FAAP100: variants seen among roughly 807,000 people sequenced by gnomAD.
FAAP100 encodes Fanconi anemia core complex-associated protein 100.
In FAAP100, 46 loss-of-function variants were observed where a neutral mutation model predicts 65.8. The ratio of observed to expected loss-of-function variants is 0.70; its 90% CI spans 0.55 to 0.89. FAAP100 has a LOEUF of 0.89. FAAP100 is among the 40% of genes least tolerant of loss of function. The probability of loss-of-function intolerance (pLI) is 0.00; values close to 1 mark genes in which losing one functional copy is unlikely to be tolerated. For missense variants in FAAP100, 1,165 were observed against 1,196.7 expected, an observed-to-expected ratio of 0.97 and a Z score of 0.39; for synonymous variants, 663 against 555.1, an observed-to-expected ratio of 1.19 and a Z score of -2.73.
chr17:81,547,065 G>C lies in FAAP100; in HGVS notation c.2017C>G (p.Arg673Gly), dbSNP rs753237609. Residue 673 changes from arginine (R) to glycine (G), a missense_variant, in exon 5 of 9, where the codon CGA (arginine) becomes GGA (glycine). Physicochemically the swap from Arg to Gly is moderately radical, Grantham distance 125. Coordinates refer to ENST00000327787, the MANE Select transcript of FAAP100 (RefSeq NM_025161.6). ...TCCAGAAAAGTGGCCACAGGGTCTCGGGTGGGGCCGAGTGGGGAGGGGGCC... is the reference window on the plus strand; with the variant it reads ...TCCAGAAAAGTGGCCACAGGGTCTCCGGTGGGGCCGAGTGGGGAGGGGGCC... ...TRAPSPLGPT[R>G]DPVATFLETC... 8 of 1,550,250 alleles carry C rather than the reference G, an allele frequency of 5.2e-6. No homozygotes were observed. The Admixed American group carries it at 1.0e-4, about 20-fold the overall frequency.
chr17:81,542,380 A>G (rs960100197), intron 7 of FAAP100, among the ~76,000 whole-genome samples: 5 of 151,042 alleles, frequency 3.3e-5, no homozygotes, highest in African/African-American at 1.2e-4. Context: ...CCAGAGCTCT[A>G]TCTCAAACAA....
chr17:81,544,088 G>C lies in FAAP100; in HGVS notation c.2343C>G (p.Pro781=), dbSNP rs1192162495. The change falls in exon 7 of 9, where the codon CCC becomes CCG. Residue 781 remains proline (P), a synonymous_variant. Coordinates refer to ENST00000327787, the MANE Select transcript of FAAP100 (RefSeq NM_025161.6). ...VAMTDLCPAG[P]IQAVEIQVES... is the part of the protein sequence containing the mutation. ...CCACTTGAATCTCCACGGCCTGGAT[G>C]GGCCCTGCTGGGCACAGGTCAGTCA... is the stretch of plus-strand genomic sequence containing the variant. 6.2e-7 allele frequency: 1 copy of C among 1,612,458 alleles called. No individual in the cohort carries two copies. Among genetic ancestry groups the C allele is most frequent in the African/African-American group, 1.3e-5 (1 of 74,926 alleles).
chr17:81,552,196 G>A lies in FAAP100; in HGVS notation c.135C>T (p.Tyr45=). Residue 45 remains tyrosine (Y), a synonymous_variant, in exon 1 of 9, where the codon TAC becomes TAT. Coordinates refer to ENST00000327787, the MANE Select transcript of FAAP100 (RefSeq NM_025161.6). ...GCAGCCCGCCCTCCTGGTCGTACAC[G>A]TAGACGAGCTCGCTCCCGGTGGACA... The part of the protein sequence containing the change: ...VFLSTGSELV[Y]VYDQEGGLLT... The A allele has an allele frequency of 6.7e-7, 1 of 1,499,872 alleles. No individual in the cohort carries two copies. Among genetic ancestry groups the A allele is most frequent in the Admixed American group, 2.2e-5 (1 of 46,268 alleles). 92.9% of individuals were successfully genotyped at this position (1,499,872 alleles called of 1,614,324 possible).
chr17:81,540,760 T>TA lies in FAAP100; in HGVS notation c.*58_*59insT, dbSNP rs1555673059. 4 of 1,453,092 alleles carry TA rather than the reference T, an allele frequency of 2.8e-6. No homozygotes were observed. The African/African-American group carries it at 5.6e-5, about 21-fold the overall frequency. 90.0% of individuals were successfully genotyped at this position (1,453,092 alleles called of 1,614,324 possible). On this transcript the variant is annotated 3_prime_UTR_variant, in exon 9 of 9. Coordinates refer to ENST00000327787, the MANE Select transcript of FAAP100 (RefSeq NM_025161.6). The stretch of plus-strand genomic sequence containing the variant: ...CGGTTTCCCTCTAACCCATGAGGCC[T>TA]GGGGGGGCTGTGACAGAGGCTGGAA...
intron 5 of FAAP100, 72 bp from the exon 6 acceptor site, chr17:81,545,954 G>T (rs2033284311): frequency 2.0e-5 from 31 of 1,524,682 alleles, no homozygotes; most frequent in Admixed American, 5.8e-5. Context: ...TACCAGGTGG[G>T]CATCTGCATA....
At chr17:81,550,210 C>A (rs776546152) in intron 3 of FAAP100, 38 bp downstream of exon 3, 1 of 1,536,280 alleles carries the variant, frequency 6.5e-7, no homozygotes, top group Non-Finnish European at 8.8e-7. Flanking sequence ...GTGCTCCACC[C>A]TGGGCTCCCA....
rs541863666 is a variant in FAAP100 at position 81,546,218 on chromosome 17, C to G, written c.2174-336G>C. Among the ~76,000 whole-genome samples the G allele has an allele frequency of 4.4e-4, 67 of 152,360 alleles. No individual in the cohort carries two copies. The South Asian group carries it at 6.4e-3, about 15-fold the overall frequency. On this transcript the variant is annotated intron_variant, in intron 5 of 8. Transcript: ENST00000327787. ...TCCGCCCGGCACTGGGCAGAAACAC[C>G]CCAGGGGATGGCTGCGGCTGCCCTC...
At chr17:81,551,225 G>A (rs1363269033) in intron 2 of FAAP100, 22 bp from the exon 3 acceptor site, 10 of 1,492,076 alleles carry the variant, frequency 6.7e-6, no homozygotes, top group Non-Finnish European at 9.0e-6. Flanking sequence ...GGGACGCACT[G>A]GTCAGGCCTG....
At chr17:81,549,180 T>C (rs374900879) in intron 4 of FAAP100, 26 bp downstream of exon 4, 15 of 1,583,464 alleles carry the variant, frequency 9.5e-6, no homozygotes, top group Admixed American at 5.2e-5. Flanking sequence ...CGCCAGCCTC[T>C]ACCCGGTCCG....
In FAAP100 at chr17:81,551,940, G is replaced by A; in HGVS notation, c.278C>T (p.Pro93Leu). 1.3e-6 allele frequency: 2 copies of A among 1,558,656 alleles called. No homozygotes were observed. The highest frequency in any genetic ancestry group is 2.4e-5 in the East Asian group (1 of 40,902). ...RGLYCLSLDH[P>L]GRSRSTSQDD... Reference sequence around the variant, plus strand: ...GGCCCGCCCTCACCTGCTCCTGCCCGGGTGGTCCAGCGACAGGCAGTAGAG... The same window carrying A: ...GGCCCGCCCTCACCTGCTCCTGCCCAGGTGGTCCAGCGACAGGCAGTAGAG... The change falls in exon 2 of 9, where the codon CCG becomes CTG. Residue 93 changes from proline (P) to leucine (L), a missense_variant. Coordinates refer to ENST00000327787, the MANE Select transcript of FAAP100 (RefSeq NM_025161.6).
rs572830699 is a variant in FAAP100, at chr17:81,540,543, G to A, written c.*276C>T. ...AGCAGTGAGGAAGGCGAGTGCAGGGGCTGCGGCCGCGGTCAGAGAAGGAGA... is the reference window on the plus strand; with the variant it reads ...AGCAGTGAGGAAGGCGAGTGCAGGGACTGCGGCCGCGGTCAGAGAAGGAGA... On this transcript the variant is annotated 3_prime_UTR_variant, in exon 9 of 9. Coordinates refer to ENST00000327787, the MANE Select transcript of FAAP100 (RefSeq NM_025161.6). 9.2e-5 allele frequency: 40 copies of A among 433,860 alleles called. 1 individual carries two copies. Among genetic ancestry groups the A allele is most frequent in the African/African-American group, 7.7e-4 (38 of 49,662 alleles). The allele number at this position is 433,860 out of a possible 1,614,324, so 26.9% of individuals were successfully genotyped here.
intron 2 of FAAP100, 193 bp downstream of exon 2, chr17:81,551,735 G>A (rs917649340): frequency 3.7e-6 from 5 of 1,355,058 alleles, no homozygotes; most frequent in African/African-American, 1.5e-5. Context: ...CACTTACTAA[G>A]GACTGTGAGC....
Position 81,540,738 on chromosome 17 carries a change from T to G in FAAP100, c.*81A>C. 7.1e-7 allele frequency: 1 copy of G among 1,409,966 alleles called. No individual in the cohort carries two copies. Among genetic ancestry groups the G allele is most frequent in the Non-Finnish European group, 9.2e-7 (1 of 1,081,790 alleles). 87.3% of individuals were successfully genotyped at this position (1,409,966 alleles called of 1,614,324 possible). A position where few individuals can be genotyped will look rare whatever the true frequency, so the allele number is the denominator to read the frequency against. On this transcript the variant is annotated 3_prime_UTR_variant, in exon 9 of 9. Transcript: ENST00000327787. ...GACGGCTCTGGCCAGGCCAGCTCGG[T>G]TTCCCTCTAACCCATGAGGCCTGGG...
rs1402976713 is a variant in FAAP100, at chr17:81,552,315, G to A, written c.16C>T (p.Pro6Ser). The A allele has an allele frequency of 1.4e-6, 2 of 1,407,756 alleles. No individual in the cohort carries two copies. Among genetic ancestry groups the A allele is most frequent in the African/African-American group, 3.0e-5 (2 of 65,602 alleles). The allele number at this position is 1,407,756 out of a possible 1,614,324, so 87.2% of individuals were successfully genotyped here. A position where few individuals can be genotyped will look rare whatever the true frequency, so the allele number is the denominator to read the frequency against. ...AAGCCCGCCAGGTAGCGGACCCGCG[G>A]CGCGGCGCCGGCCATCGTGCGCGCG... MAGAA[P>S]RVRYLAGFCC... Residue 6 changes from proline (P) to serine (S), a missense_variant, in exon 1 of 9, where the codon CCG becomes TCG. Coordinates refer to ENST00000327787, the MANE Select transcript of FAAP100 (RefSeq NM_025161.6).
intron 4 of FAAP100, chr17:81,548,223 G>A (rs951905209): frequency 1.7e-6 from 1 of 572,872 alleles, no homozygotes; most frequent in African/African-American, 1.9e-5. Context: ...CGCACTCAGT[G>A]TGTTCTCTCT....
In FAAP100 at chr17:81,550,678, G is replaced by A; in HGVS notation, c.816C>T (p.Val272=). ...GCTCCTCCAGGTGATGGAGGATCTT[G>A]ACAAGGGCATTTGGGTCACCAGGGG... The part of the protein sequence containing the change: ...RSAPGDPNAL[V]KILHHLEEPV... The change falls in exon 3 of 9, where the codon GTC becomes GTT. Residue 272 remains valine, a synonymous_variant. Transcript: ENST00000327787. 2 of 1,613,066 alleles carry A rather than the reference G, an allele frequency of 1.2e-6. No individual in the cohort carries two copies. The highest frequency in any genetic ancestry group is 1.7e-6 in the Non-Finnish European group (2 of 1,180,020).
chr17:81,541,560 G>A (rs556569484), intron 7 of FAAP100, among the ~76,000 whole-genome samples, 165 bp from the exon 8 acceptor site: 43 of 152,272 alleles, frequency 2.8e-4, no homozygotes, highest in Non-Finnish European at 4.1e-4. Flanking sequence ...TGTTCATCTC[G>A]ACTTCCTGCC....
Position 81,547,581 on chromosome 17 carries a change from T to C in FAAP100, c.1501A>G (p.Thr501Ala). The C allele has an allele frequency of 6.2e-7, 1 of 1,613,512 alleles. No individual in the cohort carries two copies. The highest frequency in any genetic ancestry group is 8.5e-7 in the Non-Finnish European group (1 of 1,180,020). The change falls in exon 5 of 9, where the codon ACG becomes GCG. Residue 501 changes from threonine (T) to alanine (A), a missense_variant. Coordinates refer to ENST00000327787, the MANE Select transcript of FAAP100 (RefSeq NM_025161.6). The stretch of plus-strand genomic sequence containing the variant: ...GTGCAGGAGATGGGTCTGGGGCCCG[T>C]GCCGCTTGACAGCAGTGCACAGCTC... ...NVSCALLSSG[T>A]GPRPISCTTS...
chr17:81,550,418 T>G lies in FAAP100; in HGVS notation c.1076A>C (p.Tyr359Ser). 6.2e-7 allele frequency: 1 copy of G among 1,611,958 alleles called. No individual in the cohort carries two copies. The highest frequency in any genetic ancestry group is 8.5e-7 in the Non-Finnish European group (1 of 1,179,812). Residue 359 changes from tyrosine (Y) to serine (S), a missense_variant, in exon 3 of 9, where the codon TAC becomes TCC. Physicochemically the swap from Tyr to Ser is moderately radical, Grantham distance 144 (BLOSUM62 -2). Transcript: ENST00000327787. ...ACAGAGGTCAGAAGGGGTGCTGTGG[T>G]ACACGCGGCCACCCCCGCCACAGGC... Reference protein sequence around the residue: ...CAACGGGGRVYHSTPSDLCVV... With the variant: ...CAACGGGGRVSHSTPSDLCVV...
Sources: gnomAD v4.1 joint callset for allele counts (sites outside exome capture counted in the v4.1 genomes callset) on GRCh38, gnomAD v4.1.1 for gene constraint, MANE v1.5 for transcripts, NCBI Gene and HGNC (gene_info 2026-07-23, HGNC 2026-07-21) for gene names.